The following SLC12A5 variants were observed in gnomAD, a reference collection of about 807,000 sequenced individuals.
SLC12A5 encodes the protein solute carrier family 12 member 5.
SLC12A5 carries 18 observed loss-of-function variants against 124.0 expected under a neutral mutation model. The observed-to-expected ratio is 0.15, with a 90% confidence interval of 0.10 to 0.22. The LOEUF (loss-of-function observed/expected upper bound fraction) is 0.22. Among genes scored for constraint, SLC12A5 ranks in the 10% least tolerant of loss-of-function variants. SLC12A5 has a pLI of 1.00. For synonymous variants in SLC12A5, 589 were observed against 568.0 expected, an observed-to-expected ratio of 1.04 and a Z score of -0.53; for missense variants, 867 against 1,478.7, an observed-to-expected ratio of 0.59 and a Z score of 6.78.
rs1358725317 is a variant in SLC12A5, at chr20:46,040,417, C to T, written c.657C>T (p.Ala219=). ...PAMAIFKAED[A]SGEAAAMLNN... ...TGGCCATCTTCAAGGCAGAAGATGC[C>T]AGTGGGGAGGCAGCAGCCATGCTGA... is the stretch of plus-strand genomic sequence containing the variant. Residue 219 remains alanine (A), a synonymous_variant, in exon 7 of 26, where the codon GCC becomes GCT. Coordinates refer to ENST00000243964, the MANE Select transcript of SLC12A5 (RefSeq NM_020708.5). 1 of 1,614,192 alleles carries T rather than the reference C, an allele frequency of 6.2e-7. No individual in the cohort carries two copies. Among genetic ancestry groups the T allele is most frequent in the Non-Finnish European group, 8.5e-7 (1 of 1,180,050 alleles).
chr20:46,029,904 ATGTG>A (rs59849093), intron 1 of SLC12A5, among the ~76,000 whole-genome samples: 1,859 of 126,052 alleles, frequency 0.015, 24 homozygotes, highest in African/African-American at 0.044. Flanking sequence ...GCGCGTGCGT[ATGTG>A]TGTGTGTGCG....
chr20:46,056,814 A>G lies in SLC12A5; in HGVS notation c.3111-83A>G. ...AGAGCAGGACTCAGGGCAGATGACCATGGCCCAAGCCCCCAGTGTCTTCCT... is the reference window on the plus strand; with the variant it reads ...AGAGCAGGACTCAGGGCAGATGACCGTGGCCCAAGCCCCCAGTGTCTTCCT... On this transcript the variant is annotated intron_variant, in intron 23 of 25. Coordinates refer to ENST00000243964, the MANE Select transcript of SLC12A5 (RefSeq NM_020708.5). The surrounding 1 kb of genome is among the most constrained non-coding windows in gnomAD (Gnocchi z 4.3). The G allele has an allele frequency of 2.1e-6, 3 of 1,461,432 alleles. No homozygotes were observed. The highest frequency in any genetic ancestry group is 2.9e-6 in the Non-Finnish European group (3 of 1,044,246). 90.5% of individuals were successfully genotyped at this position (1,461,432 alleles called of 1,614,324 possible). A position where few individuals can be genotyped will look rare whatever the true frequency, so the allele number is the denominator to read the frequency against.
intron 16 of SLC12A5, among the ~76,000 whole-genome samples, chr20:46,049,174 A>C (rs1385719673): frequency 6.6e-6 from 1 of 152,220 alleles, no homozygotes; most frequent in Non-Finnish European, 1.5e-5. Context: ...GTAGGTGCTT[A>C]GAGAATGCTA....
In SLC12A5 at chr20:46,040,568, A is replaced by G. The variant is rs753714930; in HGVS notation, c.808A>G (p.Ile270Val). 103 of 1,613,954 alleles carry G rather than the reference A, an allele frequency of 6.4e-5. No individual in the cohort carries two copies. In the Admixed American group the frequency reaches 1.6e-3, roughly 26 times the overall value. Residue 270 changes from isoleucine (I) to valine (V), a missense_variant, in exon 7 of 26, where the codon ATC becomes GTC. Physicochemically the swap from Ile to Val is conservative, Grantham distance 29. Transcript: ENST00000243964. Reference sequence around the variant, plus strand: ...TTGTGTCATCCTCTCCATCCTGGCCATCTATGCTGGGGTCATCAAGTCTGC... The same window carrying G: ...TTGTGTCATCCTCTCCATCCTGGCCGTCTATGCTGGGGTCATCAAGTCTGC... ...LGCVILSILA[I>V]YAGVIKSAFD...
intron 21 of SLC12A5, among the ~76,000 whole-genome samples, chr20:46,055,377 C>G (rs1402554834): frequency 6.6e-6 from 1 of 152,012 alleles, no homozygotes; most frequent in Non-Finnish European, 1.5e-5. Flanking sequence ...ATGTAGAAAC[C>G]CTTAGAGAGT....
chr20:46,022,961 A>G (rs1178214431), exon 2 of SLC12A5: 1 of 388,688 alleles, frequency 2.6e-6, no homozygotes, highest in Non-Finnish European at 4.4e-6. Context: ...GAGGAGGAGG[A>G]GGAGGAGGAG....
chr20:46,030,144 G>C (rs1282980830), intron 1 of SLC12A5, among the ~76,000 whole-genome samples: 1 of 152,084 alleles, frequency 6.6e-6, no homozygotes, highest in Non-Finnish European at 1.5e-5. Context: ...TTCCTATTCA[G>C]GACGGGAAGC....
In SLC12A5 at chr20:46,043,569, T is replaced by C. The variant is rs2084567314; in HGVS notation, c.1238-64T>C. The C allele has an allele frequency of 3.2e-6, 5 of 1,552,960 alleles. No homozygotes were observed. In the East Asian group the frequency reaches 1.1e-4, roughly 35 times the overall value. The stretch of plus-strand genomic sequence containing the variant: ...CACTGACCCTGAGGGTGGTGCCCTT[T>C]TTTCTCATCTGTCTGGTCTCCTGTG... On this transcript the variant is annotated intron_variant, in intron 9 of 25. Coordinates refer to ENST00000243964, the MANE Select transcript of SLC12A5 (RefSeq NM_020708.5).
rs758653793 is a variant in SLC12A5, at chr20:46,040,334, C to T, written c.613-39C>T. The stretch of plus-strand genomic sequence containing the variant: ...GCGCTGCATGTAGTGCAAAGGGCTG[C>T]TGACTTAGGTATCTGTTCTTCCTGC... On this transcript the variant is annotated intron_variant, in intron 6 of 25. Coordinates refer to ENST00000243964, the MANE Select transcript of SLC12A5 (RefSeq NM_020708.5). The T allele has an allele frequency of 9.3e-6, 15 of 1,608,234 alleles. No individual in the cohort carries two copies. The African/African-American group carries it at 2.0e-4, about 21-fold the overall frequency.
Position 46,040,559 on chromosome 20 carries a change from A to C in SLC12A5, c.799A>C (p.Ile267Leu). Residue 267 changes from isoleucine (I) to leucine (L), a missense_variant, in exon 7 of 26, where the codon ATC becomes CTC. This residue lies in a region of SLC12A5 where 127 missense variants were observed against 164.1 expected (regional missense o/e 0.77). Transcript: ENST00000243964. ...LVFLGCVILS[I>L]LAIYAGVIKS... ...CTTCCTGGGTTGTGTCATCCTCTCCATCCTGGCCATCTATGCTGGGGTCAT... is the reference window on the plus strand; with the variant it reads ...CTTCCTGGGTTGTGTCATCCTCTCCCTCCTGGCCATCTATGCTGGGGTCAT... The C allele has an allele frequency of 6.2e-7, 1 of 1,614,082 alleles. No homozygotes were observed. Among genetic ancestry groups the C allele is most frequent in the Non-Finnish European group, 8.5e-7 (1 of 1,180,032 alleles).
At chr20:46,040,958 T>G in intron 7 of SLC12A5, 1 of 406,188 alleles carries the variant, frequency 2.5e-6, no homozygotes, top group Non-Finnish European at 4.5e-6. Flanking sequence ...TGGGACAATC[T>G]CCTAGTGTTG....
At position 46,022,973 on chromosome 20, in the gene SLC12A5, AG is replaced by A. The variant is rs2084368276; in HGVS notation, c.94del (p.Gly32GlufsTer46). 2.7e-6 allele frequency: 1 copy of A among 367,568 alleles called. No individual in the cohort carries two copies. The highest frequency in any genetic ancestry group is 4.7e-6 in the Non-Finnish European group (1 of 214,500). The allele number at this position is 367,568 out of a possible 1,614,324, so 22.8% of individuals were successfully genotyped here. On this transcript the variant is annotated frameshift_variant, in exon 2 of 3. Transcript: ENST00000413737. LOFTEE classifies it high-confidence loss of function. ...GAGGAGGAGGAGGAGGAGGAGGAGG[AG>A]GAAGAGGAGGAGGAGGAAGAGGAGG...
chr20:46,025,397 A>G (rs2084388675), upstream of SLC12A5, among the ~76,000 whole-genome samples: 2 of 152,252 alleles, frequency 1.3e-5, no homozygotes, highest in Admixed American at 6.5e-5. Context: ...AGCCCTAGGA[A>G]TCTCCATGGC....
Position 46,051,831 on chromosome 20 carries a change from C to A in SLC12A5, c.2338C>A (p.Arg780Ser). The change falls in exon 18 of 26, where the codon CGC becomes AGC. Residue 780 changes from arginine (R) to serine (S), a missense_variant. By Grantham distance (110) the Arg-to-Ser change is moderately radical (BLOSUM62 -1). Coordinates refer to ENST00000243964, the MANE Select transcript of SLC12A5 (RefSeq NM_020708.5). ...GCTTGTTGGCTGGCCCCGCAACTGG[C>A]GCCAGAAGGAAGATCATCAGACGTG... ...TVLVGWPRNW[R>S]QKEDHQTWRN... 1 of 1,583,132 alleles carries A rather than the reference C, an allele frequency of 6.3e-7. No individual in the cohort carries two copies. Among genetic ancestry groups the A allele is most frequent in the Non-Finnish European group, 8.6e-7 (1 of 1,167,522 alleles).
upstream of SLC12A5, among the ~76,000 whole-genome samples, chr20:46,027,235 A>G (rs2084407274): frequency 6.6e-6 from 1 of 152,156 alleles, no homozygotes; most frequent in African/African-American, 2.4e-5. Flanking sequence ...TGGGAGAGCC[A>G]AGAATACCAG....
At chr20:46,039,796 A>G (rs1235709888) in intron 6 of SLC12A5, among the ~76,000 whole-genome samples, 1 of 151,874 alleles carries the variant, frequency 6.6e-6, no homozygotes, top group Admixed American at 6.6e-5. Flanking sequence ...CAAAAAAACC[A>G]CCACCACAAT....
exon 3 of SLC12A5, chr20:46,023,487 A>G: frequency 2.5e-6 from 1 of 398,930 alleles, no homozygotes; most frequent in Non-Finnish European, 4.4e-6. Flanking sequence ...GGCCACGACC[A>G]CATCCTCTCC....
In SLC12A5 at chr20:46,059,610, G is replaced by T. The variant is rs1171813598; in HGVS notation, c.*2005G>T. The T allele has an allele frequency of 2.5e-6, 1 of 398,916 alleles. No individual in the cohort carries two copies. The highest frequency in any genetic ancestry group is 2.1e-5 in the African/African-American group (1 of 48,614). 24.7% of individuals were successfully genotyped at this position (398,916 alleles called of 1,614,324 possible). A position where few individuals can be genotyped will look rare whatever the true frequency, so the allele number is the denominator to read the frequency against. ...CTATCTGGGCCCAGATTGTCTGGTT[G>T]GCAAGAGCAAAGTTTCCGTTGATGA... On this transcript the variant is annotated 3_prime_UTR_variant, in exon 26 of 26. Coordinates refer to ENST00000243964, the MANE Select transcript of SLC12A5 (RefSeq NM_020708.5).
intron 1 of SLC12A5, among the ~76,000 whole-genome samples, chr20:46,032,246 C>G (rs1408187187): frequency 6.6e-6 from 1 of 152,222 alleles, no homozygotes; most frequent in Non-Finnish European, 1.5e-5. Context: ...GTTGCAGGGT[C>G]TCGGGCCAGG....
Sources: gnomAD v4.1 joint callset for allele counts (sites outside exome capture counted in the v4.1 genomes callset) on GRCh38, gnomAD v4.1.1 for gene constraint, gnomAD v4.1.1 regional missense constraint, Gnocchi (gnomAD v3.1) non-coding constraint, MANE v1.5 for transcripts, NCBI Gene and HGNC (gene_info 2026-07-23, HGNC 2026-07-21) for gene names.